MIER1: variants seen among roughly 807,000 people sequenced by gnomAD.
MIER1 encodes the protein MIER1 transcriptional regulator.
A neutral mutation model predicts 75.7 loss-of-function variants in MIER1; 40 were observed. The ratio of observed to expected loss-of-function variants is 0.53; its 90% CI spans 0.41 to 0.69. The LOEUF is 0.69. Among genes scored for constraint, MIER1 ranks in the 30% least tolerant of loss-of-function variants. The probability of loss-of-function intolerance (pLI) is 0.00; values close to 1 mark genes in which losing one functional copy is unlikely to be tolerated. For missense variants in MIER1, 574 were observed against 680.2 expected, an observed-to-expected ratio of 0.84 and a Z score of 1.74; for synonymous variants, 213 against 223.4, an observed-to-expected ratio of 0.95 and a Z score of 0.42.
intron 2 of MIER1, chr1:66,930,491 C>T: frequency 7.4e-7 from 1 of 1,354,092 alleles, no homozygotes; most frequent in Non-Finnish European, 1.0e-6. Flanking sequence ...CCAGGAGAGG[C>T]CCGGCCCTGC....
In MIER1 at chr1:66,926,206, G is replaced by A; in HGVS notation, c.132G>A (p.Trp44Ter). ...AEFRTWLRTN[W>*]LRFNADKTDV... is the part of the protein sequence containing the mutation. Reference sequence around the variant, plus strand: ...TTCGGACGTGGTTAAGAACCAACTGGTTGAGGTTCAATGCAGACAAGACGG... The same window carrying A: ...TTCGGACGTGGTTAAGAACCAACTGATTGAGGTTCAATGCAGACAAGACGG... Residue 44 changes from tryptophan (W) to a stop codon, truncating the protein, a stop_gained, in exon 2 of 14, where the codon TGG becomes TGA. Transcript: ENST00000401041. LOFTEE classifies it high-confidence loss of function. 6.2e-7 allele frequency: 1 copy of A among 1,613,926 alleles called. No homozygotes were observed. The highest frequency in any genetic ancestry group is 8.5e-7 in the Non-Finnish European group (1 of 1,179,838).
In MIER1 at chr1:66,946,199, G is replaced by A; in HGVS notation, c.243G>A (p.Met81Ile). 4 of 1,612,098 alleles carry A rather than the reference G, an allele frequency of 2.5e-6. No homozygotes were observed. The highest frequency in any genetic ancestry group is 3.4e-6 in the Non-Finnish European group (4 of 1,179,534). Residue 81 changes from methionine (M) to isoleucine (I), a missense_variant, in exon 4 of 14, where the codon ATG (methionine) becomes ATA (isoleucine). This residue lies in a region of MIER1 where 309 missense variants were observed against 352.8 expected (regional missense o/e 0.88). Transcript: ENST00000401041. ...DDHEFDPSAD[M>I]LVHDFDDERT... is the part of the protein sequence containing the mutation. ...ATGAATTTGATCCATCAGCTGACAT[G>A]CTGGTTCATGATTTTGATGATGAAC...
Position 66,946,199 on chromosome 1 carries a change from G to T in MIER1, c.243G>T (p.Met81Ile). 1 of 1,612,098 alleles carries T rather than the reference G, an allele frequency of 6.2e-7. No homozygotes were observed. Among genetic ancestry groups the T allele is most frequent in the Non-Finnish European group, 8.5e-7 (1 of 1,179,534 alleles). The change falls in exon 4 of 14, where the codon ATG becomes ATT. Residue 81 changes from methionine (M) to isoleucine (I), a missense_variant. Physicochemically the swap from Met to Ile is conservative, Grantham distance 10. Coordinates refer to ENST00000401041, the MANE Select transcript of MIER1 (RefSeq NM_001077700.3). ...ATGAATTTGATCCATCAGCTGACAT[G>T]CTGGTTCATGATTTTGATGATGAAC... ...DDHEFDPSADMLVHDFDDERT... is the reference protein window; with the variant it reads ...DDHEFDPSADILVHDFDDERT...
chr1:66,971,001 T>G (rs768573631), intron 9 of MIER1, 42 bp downstream of exon 9: 1 of 1,527,298 alleles, frequency 6.5e-7, no homozygotes, highest in East Asian at 2.4e-5. Flanking sequence ...CCATACACAT[T>G]TATACATGTA....
chr1:66,960,770 AAAC>A (rs1158270394), intron 7 of MIER1, among the ~76,000 whole-genome samples: 1 of 152,208 alleles, frequency 6.6e-6, no homozygotes, highest in Non-Finnish European at 1.5e-5. Context: ...ACTCGACAGA[AAAC>A]AAGAATCACA....
intron 4 of MIER1, chr1:66,947,111 C>A: frequency 2.0e-6 from 1 of 506,250 alleles, no homozygotes; most frequent in Non-Finnish European, 2.5e-6. Flanking sequence ...TCTCCCCCGG[C>A]ATACTGAATC....
At chr1:66,983,451 AATTATTC>A (rs1212948025) in intron 13 of MIER1, among the ~76,000 whole-genome samples, 3 of 151,902 alleles carry the variant, frequency 2.0e-5, no homozygotes, top group Non-Finnish European at 2.9e-5. Flanking sequence ...ATTAAATTGT[AATTATTC>A]AGTGATGCAC....
chr1:66,950,533 A>G (rs1658679736), intron 4 of MIER1, among the ~76,000 whole-genome samples: 1 of 152,218 alleles, frequency 6.6e-6, no homozygotes, highest in South Asian at 2.1e-4. Flanking sequence ...GAAAAGAAAG[A>G]TCAAGATTGC....
intron 1 of MIER1, chr1:66,925,370 A>T: frequency 5.1e-6 from 5 of 985,404 alleles, no homozygotes; most frequent in Non-Finnish European, 6.0e-6. Context: ...CGCGCTGGGA[A>T]TCCGCTGCGG....
intron 2 of MIER1, chr1:66,930,379 C>T: frequency 6.2e-7 from 1 of 1,607,942 alleles, no homozygotes; most frequent in African/African-American, 1.3e-5. Context: ...TGTGACCCGG[C>T]AGTACGGCAA....
At chr1:66,930,203 G>T in intron 2 of MIER1, 1 of 1,368,290 alleles carries the variant, frequency 7.3e-7, no homozygotes. Flanking sequence ...CAGCCGGGGC[G>T]CCGCGAGGGG....
chr1:66,929,984 C>T (rs576192852), intron 2 of MIER1, among the ~76,000 whole-genome samples: 5 of 152,358 alleles, frequency 3.3e-5, no homozygotes, highest in African/African-American at 7.2e-5. Flanking sequence ...TGGCACTGTT[C>T]CTTGACCTCT....
At chr1:66,960,642 C>T (rs1242807706) in intron 7 of MIER1, among the ~76,000 whole-genome samples, 2 of 151,976 alleles carry the variant, frequency 1.3e-5, no homozygotes, top group African/African-American at 4.8e-5. Context: ...AGTGAGACCC[C>T]ATGTCTTCAA....
In MIER1 at chr1:66,986,157, A is replaced by G. The variant is rs1666755278; in HGVS notation, c.*1257A>G. On this transcript the variant is annotated 3_prime_UTR_variant, in exon 14 of 14. Transcript: ENST00000401041. The stretch of plus-strand genomic sequence containing the variant: ...AGAAAGTGAAGTTTGAAAACTTTTC[A>G]AACTTTTCTAGTTACAATCCAATTT... The G allele has an allele frequency of 8.4e-7, 1 of 1,189,712 alleles. No individual in the cohort carries two copies. The highest frequency in any genetic ancestry group is 1.6e-5 in the African/African-American group (1 of 62,950). The allele number at this position is 1,189,712 out of a possible 1,614,324, so 73.7% of individuals were successfully genotyped here.
intron 10 of MIER1, among the ~76,000 whole-genome samples, chr1:66,972,180 A>G (rs539452752): frequency 1.5e-4 from 22 of 148,454 alleles, no homozygotes; most frequent in Admixed American, 6.1e-4. Flanking sequence ...TTTTTATACT[A>G]TATCTGGCTC....
At position 66,959,723 on chromosome 1, in the gene MIER1, C is replaced by A; in HGVS notation, c.679C>A (p.Pro227Thr). 2 of 1,426,032 alleles carry A rather than the reference C, an allele frequency of 1.4e-6. No individual in the cohort carries two copies. Among genetic ancestry groups the A allele is most frequent in the Non-Finnish European group, 1.9e-6 (2 of 1,066,150 alleles). The allele number at this position is 1,426,032 out of a possible 1,614,324, so 88.3% of individuals were successfully genotyped here. ...EESEEDEDYI[P>T]SEDWKKEIMV... ...ATCTGAAGAAGATGAAGATTATATT[C>A]CATCAGAAGACTGGAAAAAGGTAGT... is the stretch of plus-strand genomic sequence containing the variant. The change falls in exon 7 of 14, where the codon CCA becomes ACA. Residue 227 changes from proline to threonine, a missense_variant. Physicochemically the swap from Pro to Thr is conservative, Grantham distance 38. Transcript: ENST00000401041.
At chr1:66,969,715 G>A (rs1002527194) in intron 8 of MIER1, among the ~76,000 whole-genome samples, 34 of 151,774 alleles carry the variant, frequency 2.2e-4, no homozygotes, top group African/African-American at 8.0e-4. Context: ...TTACATATTT[G>A]CCTCATCTTT....
chr1:66,925,177 T>C, intron 1 of MIER1, 82 bp downstream of exon 1: 1 of 1,481,820 alleles, frequency 6.7e-7, no homozygotes, highest in Non-Finnish European at 8.9e-7. Flanking sequence ...TCAGTCCCCT[T>C]TCTCTCCTTC....
At chr1:66,949,268 T>C (rs1454297506) in intron 4 of MIER1, among the ~76,000 whole-genome samples, 2 of 152,212 alleles carry the variant, frequency 1.3e-5, no homozygotes, top group African/African-American at 4.8e-5. Context: ...GTTAGTTATT[T>C]TTTTTCTATT....
Sources: allele counts gnomAD v4.1 joint callset (sites outside exome capture counted in the v4.1 genomes callset), GRCh38; gene constraint gnomAD v4.1.1; regional missense constraint gnomAD v4.1.1; transcripts MANE v1.5; gene names NCBI Gene and HGNC (gene_info 2026-07-23, HGNC 2026-07-21).